DCDC1: variants seen among roughly 807,000 people sequenced by gnomAD.
DCDC1 encodes the protein doublecortin domain-containing protein 1.
In DCDC1, 200 loss-of-function variants were observed where a neutral mutation model predicts 178.3. The ratio of observed to expected loss-of-function variants is 1.12; its 90% CI spans 1.00 to 1.26. DCDC1 has a LOEUF of 1.26. DCDC1 is among the 50% of genes most tolerant of loss of function. The pLI is 0.00. For missense variants in DCDC1, 1,983 were observed against 1,749.2 expected (o/e 1.13, Z -2.38); for synonymous variants, 690 against 604.8 (o/e 1.14, Z -2.07).
intron 11 of DCDC1, among the ~76,000 whole-genome samples, chr11:31,124,928 T>C (rs995803906): frequency 4.6e-5 from 7 of 151,952 alleles, no homozygotes; most frequent in Non-Finnish European, 8.8e-5. Flanking sequence ...AATTGACAAA[T>C]GGGATCTAAT....
intron 17 of DCDC1, among the ~76,000 whole-genome samples, chr11:31,088,703 G>T (rs141007368): frequency 6.6e-6 from 1 of 151,966 alleles, no homozygotes; most frequent in East Asian, 1.9e-4. Context: ...AAAATAATTA[G>T]CACTGTGGGG....
intron 9 of DCDC1, among the ~76,000 whole-genome samples, chr11:31,138,228 T>G (rs1382941101): frequency 6.6e-6 from 1 of 152,170 alleles, no homozygotes; most frequent in Non-Finnish European, 1.5e-5. Context: ...TCTAGAATGG[T>G]GCTAAATCAC....
Position 31,094,790 on chromosome 11 carries a change from C to A in DCDC1, c.1984-606G>T, listed in dbSNP as rs1170401017. Among the ~76,000 whole-genome samples the A allele has an allele frequency of 2.0e-5, 3 of 152,086 alleles. No homozygotes were observed. The East Asian group carries it at 5.8e-4, about 29-fold the overall frequency. On this transcript the variant is annotated intron_variant, in intron 15 of 38. Coordinates refer to ENST00000684477, the MANE Select transcript of DCDC1 (RefSeq NM_001387274.1). ...GTGGACAGCAGGGAGCCAGTGAAAG[C>A]CTTCTTTTTTTTTATATATATACTT...
At chr11:31,011,501 G>A (rs1218316171) in intron 20 of DCDC1, among the ~76,000 whole-genome samples, 1 of 152,134 alleles carries the variant, frequency 6.6e-6, no homozygotes, top group East Asian at 1.9e-4. Flanking sequence ...ACCAATAACT[G>A]TGAAAAGATG....
chr11:30,889,857 C>G (rs1263695667), intron 36 of DCDC1, among the ~76,000 whole-genome samples: 1 of 152,140 alleles, frequency 6.6e-6, no homozygotes, highest in Non-Finnish European at 1.5e-5. Flanking sequence ...TAAACTGTGT[C>G]CACTCCAAAT....
chr11:31,287,878 C>T (rs1946949645), intron 7 of DCDC1, among the ~76,000 whole-genome samples: 1 of 149,904 alleles, frequency 6.7e-6, no homozygotes. Context: ...TAGAAAACAG[C>T]CAGTTCAAAA....
chr11:31,351,461 C>T (rs1305296964), intron 1 of DCDC1, among the ~76,000 whole-genome samples: 2 of 152,058 alleles, frequency 1.3e-5, no homozygotes, highest in African/African-American at 4.8e-5. Flanking sequence ...TTATTGAACT[C>T]TTGCTTTAGC....
intron 36 of DCDC1, among the ~76,000 whole-genome samples, chr11:30,888,142 GAAAGAAAGA>G (rs1194273337): frequency 2.8e-5 from 4 of 141,112 alleles, no homozygotes; most frequent in Admixed American, 1.4e-4. Flanking sequence ...AAGAAAGAAA[GAAAGAAAGA>G]AAGAAAGAAA....
At chr11:31,066,996 A>G (rs969428719) in intron 18 of DCDC1, among the ~76,000 whole-genome samples, 5 of 152,144 alleles carry the variant, frequency 3.3e-5, no homozygotes, top group Non-Finnish European at 7.4e-5. Flanking sequence ...TTTATGCTTA[A>G]TTTTGCTGTG....
At chr11:30,916,431 G>C (rs1451270935) in intron 26 of DCDC1, among the ~76,000 whole-genome samples, 1 of 152,074 alleles carries the variant, frequency 6.6e-6, no homozygotes, top group South Asian at 2.1e-4. Context: ...ATAATACAAA[G>C]TACTATATAT....
intron 8 of DCDC1, among the ~76,000 whole-genome samples, chr11:31,255,475 G>C (rs905855315): frequency 7.9e-5 from 12 of 151,430 alleles, no homozygotes; most frequent in East Asian, 3.9e-4. Context: ...GTTATTCTCT[G>C]TGTGTGTGTG....
intron 9 of DCDC1, among the ~76,000 whole-genome samples, chr11:31,162,331 A>C (rs1966383713): frequency 6.6e-6 from 1 of 152,152 alleles, no homozygotes; most frequent in Admixed American, 6.6e-5. Flanking sequence ...CTTGGAGTTT[A>C]ATCAAGCCTT....
At chr11:31,036,524 C>T (rs1459268692) in intron 20 of DCDC1, among the ~76,000 whole-genome samples, 1 of 152,082 alleles carries the variant, frequency 6.6e-6, no homozygotes, top group Non-Finnish European at 1.5e-5. Flanking sequence ...CTGCTCTAAA[C>T]CCCAAAAAAA....
At chr11:31,121,971 C>T (rs944985377) in intron 11 of DCDC1, among the ~76,000 whole-genome samples, 4 of 152,042 alleles carry the variant, frequency 2.6e-5, no homozygotes, top group East Asian at 1.9e-4. Flanking sequence ...TATGATAGTA[C>T]GTGCCACAAG....
At chr11:31,098,375 C>T (rs1357434402) in intron 15 of DCDC1, among the ~76,000 whole-genome samples, 4 of 152,076 alleles carry the variant, frequency 2.6e-5, no homozygotes, top group African/African-American at 4.8e-5. Context: ...GTAGTAGATT[C>T]CAAATCTGTT....
intron 8 of DCDC1, among the ~76,000 whole-genome samples, chr11:31,254,764 A>G (rs986873361): frequency 5.9e-5 from 9 of 152,154 alleles, no homozygotes; most frequent in African/African-American, 2.2e-4. Context: ...GTTCTGCTCC[A>G]TTTGTCTTTT....
intron 36 of DCDC1, among the ~76,000 whole-genome samples, chr11:30,884,388 AT>A (rs959452192): frequency 9.2e-5 from 14 of 151,908 alleles, no homozygotes; most frequent in African/African-American, 2.7e-4. Context: ...TTTGTTACGA[AT>A]TTTTTTTATG....
At chr11:30,906,821 C>A in intron 29 of DCDC1, 96 bp from the exon 30 acceptor site, 1 of 1,101,752 alleles carries the variant, frequency 9.1e-7, no homozygotes, top group Non-Finnish European at 1.2e-6. Context: ...GCACTTTTAA[C>A]ACCCCAAAAT....
intron 11 of DCDC1, among the ~76,000 whole-genome samples, chr11:31,124,284 G>T (rs370128406): frequency 4.9e-4 from 74 of 152,028 alleles, no homozygotes; most frequent in Middle Eastern, 3.4e-3. Flanking sequence ...TAATCATGTG[G>T]TTTTTGTCTT....
Sources: allele counts gnomAD v4.1 joint callset (sites outside exome capture counted in the v4.1 genomes callset), GRCh38; gene constraint gnomAD v4.1.1; transcripts MANE v1.5; gene names NCBI Gene and HGNC (gene_info 2026-07-23, HGNC 2026-07-21).